The following ANXA8 variants were observed in gnomAD, a reference collection of about 807,000 sequenced individuals.
ANXA8 encodes the protein VAC-beta.
Under a neutral mutation model 26.8 loss-of-function variants are expected in ANXA8, and 9 were observed. That is an observed-to-expected ratio of 0.34 (90% confidence interval 0.20 to 0.59). The LOEUF (loss-of-function observed/expected upper bound fraction) is 0.59, where lower values mean the gene tolerates loss of function less well. Among genes scored for constraint, ANXA8 ranks in the 20% least tolerant of loss-of-function variants. The pLI is 0.84. For missense variants in ANXA8, 83 were observed against 238.5 expected (o/e 0.35, Z 4.29); for synonymous variants, 39 against 94.8 (o/e 0.41, Z 3.42).
the ANXA8 span, among the ~76,000 whole-genome samples, chr10:47,577,688 A>G: frequency 8.4e-6 from 1 of 119,592 alleles, no homozygotes; most frequent in East Asian, 2.1e-4. Flanking sequence ...AAAATAATAA[A>G]TGAATAAAAA....
At chr10:47,486,221 C>A (rs1389261146), upstream of ANXA8, among the ~76,000 whole-genome samples, 28 of 151,010 alleles carry the variant, frequency 1.9e-4, no homozygotes, top group Non-Finnish European at 3.0e-4. Flanking sequence ...TCTGCGAGAA[C>A]AGGAAGCAGC....
the ANXA8 span, among the ~76,000 whole-genome samples, chr10:47,699,504 G>T: frequency 1.3e-5 from 2 of 151,502 alleles, no homozygotes; most frequent in Non-Finnish European, 2.9e-5. Flanking sequence ...ATAATTCAAT[G>T]ATATAACAGG....
chr10:47,497,803 T>C, the ANXA8 span, among the ~76,000 whole-genome samples: 1 of 150,454 alleles, frequency 6.6e-6, no homozygotes, highest in African/African-American at 2.4e-5. Context: ...TTGGGCATGG[T>C]GGCATGTGCC....
At chr10:47,900,820 A>C in the ANXA8 span, among the ~76,000 whole-genome samples, 31 of 149,712 alleles carry the variant, frequency 2.1e-4, no homozygotes, top group Non-Finnish European at 1.8e-4. Context: ...GAATATGTCC[A>C]AGATTGTGAG....
At chr10:47,488,001 C>A (rs3006288), upstream of ANXA8, among the ~76,000 whole-genome samples, 33 of 147,400 alleles carry the variant, frequency 2.2e-4, 1 homozygote, top group African/African-American at 7.3e-4. Flanking sequence ...AGGGGTGGGG[C>A]CTTTGGGAGG....
At chr10:47,894,930 C>A in the ANXA8 span, among the ~76,000 whole-genome samples, 33 of 151,952 alleles carry the variant, frequency 2.2e-4, no homozygotes, top group Non-Finnish European at 1.8e-4. Flanking sequence ...ATCACACACA[C>A]CACATAACAC....
the ANXA8 span, among the ~76,000 whole-genome samples, chr10:47,640,786 T>C: frequency 7.6e-6 from 1 of 132,176 alleles, no homozygotes; most frequent in South Asian, 2.2e-4. Flanking sequence ...TGCCATTTTT[T>C]AGTATGAATT....
the ANXA8 span, chr10:47,763,410 T>TGTCC: frequency 3.0e-6 from 3 of 985,064 alleles, no homozygotes; most frequent in African/African-American, 5.2e-5. Context: ...ATTGGGTTAA[T>TGTCC]GTCCGTGAGG....
the ANXA8 span, among the ~76,000 whole-genome samples, chr10:47,971,127 G>T: frequency 6.6e-6 from 1 of 151,262 alleles, no homozygotes; most frequent in Non-Finnish European, 1.5e-5. Flanking sequence ...GTGACCACAG[G>T]GCTCTGGTTT....
At chr10:47,717,654 T>A in the ANXA8 span, among the ~76,000 whole-genome samples, 1 of 140,102 alleles carries the variant, frequency 7.1e-6, no homozygotes, top group South Asian at 2.2e-4. Flanking sequence ...TGTGTAAATT[T>A]ACAAAATGAT....
the ANXA8 span, among the ~76,000 whole-genome samples, chr10:47,627,478 T>C: frequency 6.7e-6 from 1 of 150,068 alleles, no homozygotes; most frequent in Non-Finnish European, 1.5e-5. Flanking sequence ...TTCCACTGAC[T>C]GTTGAAATAT....
chr10:47,947,366 T>C, the ANXA8 span, among the ~76,000 whole-genome samples: 24 of 140,752 alleles, frequency 1.7e-4, no homozygotes, highest in Non-Finnish European at 7.6e-5. Context: ...ATTGCTATGG[T>C]TGCATGTGTC....
the ANXA8 span, among the ~76,000 whole-genome samples, chr10:47,668,094 G>C: frequency 6.6e-6 from 1 of 150,952 alleles, no homozygotes; most frequent in East Asian, 1.9e-4. Context: ...ACATTTTCTT[G>C]AATTATTTCA....
the ANXA8 span, among the ~76,000 whole-genome samples, chr10:47,528,374 G>A: frequency 1.3e-3 from 158 of 119,376 alleles, 12 homozygotes; most frequent in African/African-American, 5.2e-3. Context: ...CACTGCACCC[G>A]GCTAGACTTA....
the ANXA8 span, among the ~76,000 whole-genome samples, chr10:47,956,873 G>A: frequency 6.7e-6 from 1 of 150,006 alleles, no homozygotes; most frequent in African/African-American, 2.5e-5. Flanking sequence ...GTATAGCCTG[G>A]GCACCATCCA....
At chr10:47,501,041 C>T in the ANXA8 span, among the ~76,000 whole-genome samples, 176 of 144,338 alleles carry the variant, frequency 1.2e-3, no homozygotes, top group South Asian at 9.3e-3. Flanking sequence ...CTACAGGTGC[C>T]CGCCACCACA....
At chr10:47,653,316 A>T in the ANXA8 span, among the ~76,000 whole-genome samples, 208 of 149,940 alleles carry the variant, frequency 1.4e-3, 3 homozygotes, top group South Asian at 0.042. Context: ...AGTCTCAAAA[A>T]AACAAAAACA....
chr10:47,573,125 G>A, the ANXA8 span, among the ~76,000 whole-genome samples: 1 of 146,132 alleles, frequency 6.8e-6, no homozygotes, highest in Admixed American at 6.9e-5. Flanking sequence ...TGGCACTACA[G>A]GCGCGTGCCA....
At chr10:47,533,207 A>ACACACG in the ANXA8 span, among the ~76,000 whole-genome samples, 1 of 141,048 alleles carries the variant, frequency 7.1e-6, no homozygotes, top group Non-Finnish European at 1.5e-5. Context: ...ACACACACAC[A>ACACACG]CACACACACA....
Sources: gnomAD v4.1 joint callset for allele counts (sites outside exome capture counted in the v4.1 genomes callset) on GRCh38, gnomAD v4.1.1 for gene constraint, MANE v1.5 for transcripts, NCBI Gene and HGNC (gene_info 2026-07-23, HGNC 2026-07-21) for gene names.